IL1RAPL1: variants seen among roughly 807,000 people sequenced by gnomAD.
IL1RAPL1 encodes the protein interleukin-1 receptor accessory protein-like 1.
A neutral mutation model predicts 48.4 loss-of-function variants in IL1RAPL1; 3 were observed. The observed-to-expected ratio is 0.06, with a 90% confidence interval of 0.03 to 0.16. The LOEUF is 0.16. IL1RAPL1 is among the 10% of genes least tolerant of loss of function. The pLI, the probability that IL1RAPL1 is intolerant of heterozygous loss-of-function variation, is 1.00. For synonymous variants in IL1RAPL1, 185 were observed against 187.7 expected (o/e 0.99, Z 0.12); for missense variants, 349 against 530.6 (o/e 0.66, Z 3.36).
chrX:29,072,924 A>G (rs1927595824), intron 2 of IL1RAPL1, among the ~76,000 whole-genome samples: 1 of 112,021 alleles, frequency 8.9e-6, no homozygotes, highest in Admixed American at 9.5e-5. Context: ...AAACTAGACC[A>G]TCTCTCTGGC....
intron 6 of IL1RAPL1, among the ~76,000 whole-genome samples, chrX:29,842,076 A>G (rs755201675): frequency 1.2e-4 from 13 of 112,244 alleles, no homozygotes; most frequent in African/African-American, 3.9e-4. Flanking sequence ...TTACAGACTC[A>G]GTGCCCAGAG....
intron 3 of IL1RAPL1, among the ~76,000 whole-genome samples, chrX:29,387,163 G>A (rs182726877): frequency 2.0e-4 from 22 of 112,149 alleles, no homozygotes; most frequent in African/African-American, 6.8e-4. Context: ...CTTCAAATTA[G>A]AGCATCAAGC....
intron 2 of IL1RAPL1, among the ~76,000 whole-genome samples, chrX:28,812,411 T>A (rs2147276563): frequency 9.0e-6 from 1 of 111,164 alleles, no homozygotes. Flanking sequence ...TACATATTCT[T>A]GGATCCTTAC....
At chrX:29,302,777 C>T (rs1229783379) in intron 3 of IL1RAPL1, among the ~76,000 whole-genome samples, 1 of 111,712 alleles carries the variant, frequency 9.0e-6, no homozygotes, top group Non-Finnish European at 1.9e-5. Flanking sequence ...AGAGTAGCAT[C>T]TAACTACAGG....
intron 1 of IL1RAPL1, among the ~76,000 whole-genome samples, chrX:28,743,423 C>A (rs1935935185): frequency 9.0e-6 from 1 of 111,703 alleles, no homozygotes; most frequent in Admixed American, 9.6e-5. Flanking sequence ...TGAAGTCATA[C>A]AGACAAAGCT....
chrX:29,412,478 A>G (rs1934157202), intron 5 of IL1RAPL1, among the ~76,000 whole-genome samples: 1 of 112,186 alleles, frequency 8.9e-6, no homozygotes, highest in African/African-American at 3.2e-5. Context: ...TTAGTTTGAC[A>G]AAAATAATGC....
intron 2 of IL1RAPL1, among the ~76,000 whole-genome samples, chrX:29,226,066 A>C (rs1388111616): frequency 1.8e-5 from 2 of 111,644 alleles, no homozygotes; most frequent in Non-Finnish European, 3.8e-5. Context: ...GCACTGTTAC[A>C]CTGATAGGAA....
At chrX:29,235,738 C>A (rs929354968) in intron 2 of IL1RAPL1, among the ~76,000 whole-genome samples, 1 of 112,209 alleles carries the variant, frequency 8.9e-6, no homozygotes, top group African/African-American at 3.2e-5. Context: ...CATAAAAAGG[C>A]AAATATAGTG....
rs773300998 is a variant in IL1RAPL1, at chrX:28,968,513, G to A, written c.82+179088G>A. On this transcript the variant is annotated intron_variant, in intron 2 of 10. Transcript: ENST00000378993. Reference sequence around the variant, plus strand: ...AAGCGCAAAGTGGAATAATAAGATTGGCCTCACAAAACTACTTTGAGGAAA... The same window carrying A: ...AAGCGCAAAGTGGAATAATAAGATTAGCCTCACAAAACTACTTTGAGGAAA... Among the ~76,000 whole-genome samples, 3 of 111,703 alleles carry A rather than the reference G, an allele frequency of 2.7e-5. No homozygotes were observed. In the South Asian group the frequency reaches 1.1e-3, roughly 41 times the overall value.
At chrX:29,343,689 G>A (rs946586388) in intron 3 of IL1RAPL1, among the ~76,000 whole-genome samples, 1 of 110,132 alleles carries the variant, frequency 9.1e-6, no homozygotes, top group Non-Finnish European at 1.9e-5. Context: ...CATAAAGTGC[G>A]AGTCAACTTG....
intron 2 of IL1RAPL1, among the ~76,000 whole-genome samples, chrX:29,252,715 G>A (rs1353573877): frequency 1.8e-5 from 2 of 111,192 alleles, no homozygotes; most frequent in Non-Finnish European, 3.8e-5. Flanking sequence ...TTCATGACTT[G>A]CCTTCATATA....
At chrX:28,938,039 C>T (rs999765979) in intron 2 of IL1RAPL1, among the ~76,000 whole-genome samples, 5 of 111,441 alleles carry the variant, frequency 4.5e-5, no homozygotes, top group Admixed American at 9.6e-5. Context: ...AATGGGAAAA[C>T]ATTCCATGCT....
intron 5 of IL1RAPL1, among the ~76,000 whole-genome samples, chrX:29,529,600 A>T (rs199709540): frequency 1.4e-4 from 4 of 27,978 alleles, no homozygotes; most frequent in Non-Finnish European, 2.8e-4. Context: ...CCTCTGTCTC[A>T]AAAAAAAAAA....
chrX:29,952,604 AC>A (rs1933341434), intron 9 of IL1RAPL1, among the ~76,000 whole-genome samples: 1 of 112,367 alleles, frequency 8.9e-6, no homozygotes, highest in Non-Finnish European at 1.9e-5. Context: ...TTCTTACTCA[AC>A]TAAAGTGTTT....
intron 5 of IL1RAPL1, among the ~76,000 whole-genome samples, chrX:29,522,887 G>C (rs1047879685): frequency 9.0e-6 from 1 of 110,612 alleles, no homozygotes; most frequent in African/African-American, 3.3e-5. Flanking sequence ...CTTTTCATCT[G>C]TGTTCTCTCT....
intron 5 of IL1RAPL1, among the ~76,000 whole-genome samples, chrX:29,587,896 C>G (rs1182614131): frequency 8.9e-6 from 1 of 111,974 alleles, no homozygotes; most frequent in African/African-American, 3.2e-5. Flanking sequence ...GCTCCATTTT[C>G]CCTCAGCTTT....
chrX:28,635,472 C>T (rs1270902954), intron 1 of IL1RAPL1, among the ~76,000 whole-genome samples: 1 of 111,820 alleles, frequency 8.9e-6, no homozygotes. Flanking sequence ...TTCTATCCTT[C>T]GCTTTCAGTA....
intron 8 of IL1RAPL1, among the ~76,000 whole-genome samples, chrX:29,937,937 T>C (rs1933058652): frequency 8.9e-6 from 1 of 111,875 alleles, no homozygotes; most frequent in East Asian, 2.8e-4. Flanking sequence ...TTCTTGCTTA[T>C]TGCTCATTCT....
chrX:29,324,669 T>C (rs988951429), intron 3 of IL1RAPL1, among the ~76,000 whole-genome samples: 3 of 111,563 alleles, frequency 2.7e-5, no homozygotes, highest in African/African-American at 9.8e-5. Flanking sequence ...AGGAGAAACA[T>C]TTCTGATTTC....
Sources: gnomAD v4.1 joint callset for allele counts (sites outside exome capture counted in the v4.1 genomes callset) on GRCh38, gnomAD v4.1.1 for gene constraint, MANE v1.5 for transcripts, NCBI Gene and HGNC (gene_info 2026-07-23, HGNC 2026-07-21) for gene names.